The following CDC45 variants were observed in gnomAD, a reference collection of about 807,000 sequenced individuals.
CDC45 encodes the protein cell division control protein 45 homolog.
CDC45 carries 54 observed loss-of-function variants against 77.8 expected under a neutral mutation model. That is an observed-to-expected ratio of 0.69 (90% CI 0.56 to 0.87). The LOEUF (loss-of-function observed/expected upper bound fraction) is 0.87. CDC45 is among the 40% of genes least tolerant of loss of function. The pLI, the probability that CDC45 is intolerant of heterozygous loss-of-function variation, is 0.00. For synonymous variants in CDC45, 260 were observed against 272.1 expected (o/e 0.96, Z 0.44); for missense variants, 649 against 721.6 (o/e 0.90, Z 1.15).
intron 10 of CDC45, 129 bp from the exon 11 acceptor site, chr22:19,507,257 G>T: frequency 8.9e-7 from 1 of 1,126,856 alleles, no homozygotes; most frequent in Non-Finnish European, 1.3e-6. Flanking sequence ...GGTCACTCTT[G>T]GGATACCTGG....
At chr22:19,510,215 T>C (rs1170637518) in intron 13 of CDC45, among the ~76,000 whole-genome samples, 1 of 152,138 alleles carries the variant, frequency 6.6e-6, no homozygotes, top group Admixed American at 6.5e-5. Flanking sequence ...CACCTCAGCC[T>C]CCCAAAGTGC....
Position 19,516,308 on chromosome 22 carries a change from C to T in CDC45, c.1441-219C>T, listed in dbSNP as rs13447280. On this transcript the variant is annotated intron_variant, in intron 15 of 18. Transcript: ENST00000263201. ...CAGCCACAGTACCATGCTGTGGGTA[C>T]GGGAGGGCAGGTGTTTGGAGAGCTC... 8.7e-5 allele frequency: 50 copies of T among 573,734 alleles called. 1 individual carries two copies. Among genetic ancestry groups the T allele is most frequent in the South Asian group, 3.0e-4 (15 of 50,046 alleles). The allele number at this position is 573,734 out of a possible 1,614,324, so 35.5% of individuals were successfully genotyped here. A position where few individuals can be genotyped will look rare whatever the true frequency, so the allele number is the denominator to read the frequency against.
chr22:19,511,154 G>C (rs12169822), intron 13 of CDC45, among the ~76,000 whole-genome samples: 2 of 151,980 alleles, frequency 1.3e-5, no homozygotes, highest in African/African-American at 4.8e-5. Context: ...CATCCTCACC[G>C]ACACTTGTTA....
chr22:19,496,746 A>G (rs2090250274), intron 7 of CDC45, among the ~76,000 whole-genome samples: 1 of 152,196 alleles, frequency 6.6e-6, no homozygotes, highest in Non-Finnish European at 1.5e-5. Flanking sequence ...GGAAGCCCGC[A>G]TCTCACGGCA....
At position 19,518,998 on chromosome 22, in the gene CDC45, C is replaced by T. The variant is rs571666610; in HGVS notation, c.*1+89C>T. 20 of 999,920 alleles carry T rather than the reference C, an allele frequency of 2.0e-5. 1 individual carries two copies. The East Asian group carries it at 4.8e-4, about 24-fold the overall frequency. 61.9% of individuals were successfully genotyped at this position (999,920 alleles called of 1,614,324 possible). A position where few individuals can be genotyped will look rare whatever the true frequency, so the allele number is the denominator to read the frequency against. On this transcript the variant is annotated intron_variant, in intron 18 of 18. Transcript: ENST00000263201. ...CTGCTCTGTCCTCCCTCAACGGAGG[C>T]TTCTACTTGGGTTTCAGACCGAAGC... is the stretch of plus-strand genomic sequence containing the variant.
intron 9 of CDC45, among the ~76,000 whole-genome samples, chr22:19,502,483 C>T (rs1932934590): frequency 6.6e-6 from 1 of 152,210 alleles, no homozygotes; most frequent in Non-Finnish European, 1.5e-5. Context: ...CATGTACATA[C>T]ATCTAAATTT....
At chr22:19,506,670 C>T (rs1933197487) in intron 10 of CDC45, among the ~76,000 whole-genome samples, 1 of 152,076 alleles carries the variant, frequency 6.6e-6, no homozygotes, top group South Asian at 2.1e-4. Context: ...CGCTGTGGCT[C>T]ACGCCTGTAA....
In CDC45 at chr22:19,499,807, T is replaced by C. The variant is rs555460601; in HGVS notation, c.704+656T>C. ...AGGCAGAATCTCTTAGGGATTGGCA[T>C]GGACCTAGACCCCAACATGCTGGTC... On this transcript the variant is annotated intron_variant, in intron 9 of 18. Transcript: ENST00000263201. 1.8e-3 allele frequency among the ~76,000 whole-genome samples: 281 copies of C among 152,314 alleles called. 2 individuals are homozygous for C. The highest frequency in any genetic ancestry group is 2.6e-3 in the Non-Finnish European group (180 of 68,014).
intron 13 of CDC45, among the ~76,000 whole-genome samples, chr22:19,514,520 T>C (rs1467196469): frequency 1.3e-5 from 2 of 152,192 alleles, no homozygotes; most frequent in Non-Finnish European, 2.9e-5. Flanking sequence ...TAGTTTCCTG[T>C]CTTCTGATAC....
chr22:19,502,330 A>G (rs1336547412), intron 9 of CDC45, among the ~76,000 whole-genome samples: 1 of 152,254 alleles, frequency 6.6e-6, no homozygotes, highest in Non-Finnish European at 1.5e-5. Context: ...TTATTTTACC[A>G]ATAATTTTAA....
Position 19,507,884 on chromosome 22 carries a change from G to A in CDC45, c.1055+20G>A, listed in dbSNP as rs1933289170. 6.7e-7 allele frequency: 1 copy of A among 1,488,590 alleles called. No individual in the cohort carries two copies. The highest frequency in any genetic ancestry group is 1.8e-5 in the Admixed American group (1 of 55,326). The allele number at this position is 1,488,590 out of a possible 1,614,324, so 92.2% of individuals were successfully genotyped here. A position where few individuals can be genotyped will look rare whatever the true frequency, so the allele number is the denominator to read the frequency against. ...ATTTGGGTAAACACACATTTTTCTG[G>A]ATTTATCTTCATTACATCCAGGTTC... On this transcript the variant is annotated intron_variant, in intron 12 of 18. Transcript: ENST00000263201.
At chr22:19,507,959 A>AAAACCAACGTGCTCCT in intron 12 of CDC45, 95 bp downstream of exon 12, 1 of 790,146 alleles carries the variant, frequency 1.3e-6, no homozygotes, top group Non-Finnish European at 2.1e-6. Context: ...TAATGCAAAA[A>AAAACCAACGTGCTCCT]AAACCAACGT....
At position 19,496,668 on chromosome 22, in the gene CDC45, GCTCA is replaced by G. The variant is rs1601947709; in HGVS notation, c.591+642_591+645del. On this transcript the variant is annotated intron_variant, in intron 7 of 18. Transcript: ENST00000263201. ...AACAGTTGGTGGGGAGGGTGCTGAT[GCTCA>G]CTTAGAGAAGATAACTCCCTCCAGA... Among the ~76,000 whole-genome samples, 9 of 152,286 alleles carry G rather than the reference GCTCA, an allele frequency of 5.9e-5. No individual in the cohort carries two copies. The South Asian group carries it at 1.9e-3, about 32-fold the overall frequency.
Position 19,482,724 on chromosome 22 carries a change from ATGTAGACC to A in CDC45, c.241_248del (p.Val81IlefsTer7). ...TTTATTCTCATAAACTGTGGAGCTA[ATGTAGACC>A]TATTGGATATTCTTCAACCTGATGA... On this transcript the variant is annotated frameshift_variant, in exon 4 of 19. Transcript: ENST00000263201. LOFTEE classifies it high-confidence loss of function. 6.2e-7 allele frequency: 1 copy of A among 1,612,814 alleles called. No individual in the cohort carries two copies. Among genetic ancestry groups the A allele is most frequent in the East Asian group, 2.2e-5 (1 of 44,876 alleles).
chr22:19,508,758 A>G, intron 13 of CDC45, 67 bp downstream of exon 13: 2 of 1,498,356 alleles, frequency 1.3e-6, no homozygotes, highest in Admixed American at 3.7e-5. Context: ...CAGGGAGGTC[A>G]GTTACGGGGA....
Position 19,480,218 on chromosome 22 carries a change from G to A in CDC45, c.111+1G>A. ...TCTGTGTGCGTGCAAGATCCTTCAGGTGAGTTCTGCGGACCCTAGGAGGGC... is the reference window on the plus strand; with the variant it reads ...TCTGTGTGCGTGCAAGATCCTTCAGATGAGTTCTGCGGACCCTAGGAGGGC... On this transcript the variant is annotated splice_donor_variant, in intron 2 of 18. Coordinates refer to ENST00000263201, the MANE Select transcript of CDC45 (RefSeq NM_003504.5). LOFTEE classifies it high-confidence loss of function. 6.2e-7 allele frequency: 1 copy of A among 1,613,742 alleles called. No individual in the cohort carries two copies. The highest frequency in any genetic ancestry group is 8.5e-7 in the Non-Finnish European group (1 of 1,179,878).
intron 5 of CDC45, among the ~76,000 whole-genome samples, chr22:19,488,234 T>C (rs1280999066): frequency 6.6e-6 from 1 of 152,234 alleles, no homozygotes; most frequent in Non-Finnish European, 1.5e-5. Context: ...AACAAATTAC[T>C]CCAGAACCTA....
rs1241354390 is a variant in CDC45, at chr22:19,516,021, G to A, written c.1441-506G>A. ...TGGGTGCAGCAGGCACAGCAGAGAAGGAAACCCTAAACCTTTATCCTGAAG... is the reference window on the plus strand; with the variant it reads ...TGGGTGCAGCAGGCACAGCAGAGAAAGAAACCCTAAACCTTTATCCTGAAG... On this transcript the variant is annotated intron_variant, in intron 15 of 18. Transcript: ENST00000263201. 2.6e-5 allele frequency among the ~76,000 whole-genome samples: 4 copies of A among 152,344 alleles called. No homozygotes were observed. The South Asian group carries it at 6.2e-4, about 24-fold the overall frequency.
At chr22:19,507,641 T>C in intron 11 of CDC45, 124 bp downstream of exon 11, 1 of 1,404,080 alleles carries the variant, frequency 7.1e-7, no homozygotes, top group Non-Finnish European at 9.9e-7. Context: ...CTCCTTGCCC[T>C]AGATCCCAGA....
Sources: allele counts gnomAD v4.1 joint callset (sites outside exome capture counted in the v4.1 genomes callset), GRCh38; gene constraint gnomAD v4.1.1; transcripts MANE v1.5; gene names NCBI Gene and HGNC (gene_info 2026-07-23, HGNC 2026-07-21).